Variants in CDH8 observed in about 807,000 individuals in gnomAD.
CDH8 encodes the protein cadherin 8.
Under a neutral mutation model 68.1 loss-of-function variants are expected in CDH8, and 17 were observed. That is an observed-to-expected ratio of 0.25 (90% confidence interval 0.17 to 0.37). CDH8 has a LOEUF of 0.37. Ranked by LOEUF, CDH8 falls within the 10% of genes least tolerant of loss-of-function variation. The pLI, the probability that CDH8 is intolerant of heterozygous loss-of-function variation, is 1.00. For missense variants in CDH8, 763 were observed against 999.3 expected (o/e 0.76, Z 3.19); for synonymous variants, 372 against 365.1 (o/e 1.02, Z -0.21).
chr16:61,883,205 C>A (rs1963610335), intron 3 of CDH8, among the ~76,000 whole-genome samples: 1 of 152,038 alleles, frequency 6.6e-6, no homozygotes, highest in African/African-American at 2.4e-5. Flanking sequence ...TAGCATGTTG[C>A]CCACCAAAAC....
At chr16:61,964,809 A>AC (rs1965219079) in intron 2 of CDH8, among the ~76,000 whole-genome samples, 1 of 151,952 alleles carries the variant, frequency 6.6e-6, no homozygotes, top group South Asian at 2.1e-4. Context: ...ATCCTACCCT[A>AC]CTGCTTTGTA....
chr16:61,668,341 G>T (rs1422760103), intron 10 of CDH8, among the ~76,000 whole-genome samples: 1 of 151,634 alleles, frequency 6.6e-6, no homozygotes, highest in Non-Finnish European at 1.5e-5. Context: ...TTTTTTCTCT[G>T]CTCTTAATTA....
At chr16:61,973,360 C>T (rs186141120) in intron 2 of CDH8, among the ~76,000 whole-genome samples, 5 of 152,294 alleles carry the variant, frequency 3.3e-5, no homozygotes, top group South Asian at 2.1e-4. Context: ...GTATGTAATA[C>T]CTATGACATA....
chr16:61,884,021 G>A (rs183446573), intron 3 of CDH8, among the ~76,000 whole-genome samples: 33 of 152,234 alleles, frequency 2.2e-4, no homozygotes, highest in Admixed American at 1.9e-3. Context: ...AGGAAAGTGT[G>A]ATTAAAATGG....
Position 61,981,681 on chromosome 16 carries a change from T to TGC in CDH8, c.252+39469_252+39470dup, listed in dbSNP as rs1555526842. ...GTGTGTGTGTGTGTGTGTGTGTGTG[T>TGC]GCGCGCGCGCGCGTGCGCTTGGGGC... On this transcript the variant is annotated intron_variant, in intron 2 of 11. Transcript: ENST00000577390. 7.7e-4 allele frequency among the ~76,000 whole-genome samples: 109 copies of TGC among 141,858 alleles called. 1 individual carries two copies. The highest frequency in any genetic ancestry group is 2.0e-3 in the South Asian group (9 of 4,522). The allele number at this position is 141,858 out of a possible 152,430, so 93.1% of individuals were successfully genotyped here. A position where few individuals can be genotyped will look rare whatever the true frequency, so the allele number is the denominator to read the frequency against.
intron 8 of CDH8, among the ~76,000 whole-genome samples, chr16:61,781,029 T>A (rs1014407519): frequency 1.3e-5 from 2 of 152,230 alleles, no homozygotes; most frequent in Non-Finnish European, 2.9e-5. Flanking sequence ...ATGTTTGACA[T>A]GAATTCAGCT....
At chr16:61,698,575 A>G (rs144472221) in intron 10 of CDH8, among the ~76,000 whole-genome samples, 1 of 152,310 alleles carries the variant, frequency 6.6e-6, no homozygotes, top group Non-Finnish European at 1.5e-5. Flanking sequence ...AAACAAATGT[A>G]TTCCATATAT....
chr16:62,029,853 T>G (rs1902282711), intron 1 of CDH8, among the ~76,000 whole-genome samples: 1 of 152,196 alleles, frequency 6.6e-6, no homozygotes, highest in African/African-American at 2.4e-5. Context: ...TGCAACTAAC[T>G]TTTTCTATTT....
chr16:61,768,384 CTCTCTCTCTCCCTT>C lies in CDH8; in HGVS notation c.1414+20948_1414+20961del, dbSNP rs1319167718. On this transcript the variant is annotated intron_variant, in intron 8 of 11. Transcript: ENST00000577390. ...TCTCTCTCTCCCTTTCTCTCTCTCT[CTCTCTCTCTCCCTT>C]TCTCTCTCTCTCTCTCTCTCTCTCT... 2.7e-3 allele frequency among the ~76,000 whole-genome samples: 249 copies of C among 91,356 alleles called. 5 individuals are homozygous for C. Among genetic ancestry groups the C allele is most frequent in the Middle Eastern group, 6.1e-3 (1 of 164 alleles). 59.9% of individuals were successfully genotyped at this position (91,356 alleles called of 152,430 possible). A position where few individuals can be genotyped will look rare whatever the true frequency, so the allele number is the denominator to read the frequency against.
At position 61,826,447 on chromosome 16, in the gene CDH8, T is replaced by C. The variant is rs576379527; in HGVS notation, c.668-1268A>G. Reference sequence around the variant, plus strand: ...CCTTCCCCATATTGCTAAATGTCCATAATAAAACTTATTTTGACTAGTCCA... The same window carrying C: ...CCTTCCCCATATTGCTAAATGTCCACAATAAAACTTATTTTGACTAGTCCA... On this transcript the variant is annotated intron_variant, in intron 4 of 11. Transcript: ENST00000577390. Among the ~76,000 whole-genome samples the C allele has an allele frequency of 3.3e-5, 5 of 151,950 alleles. No individual in the cohort carries two copies. The East Asian group carries it at 9.7e-4, about 30-fold the overall frequency.
Position 62,033,761 on chromosome 16 carries a change from T to C in CDH8, c.-200+2319A>G, listed in dbSNP as rs973627826. On this transcript the variant is annotated intron_variant, in intron 1 of 11. Transcript: ENST00000577390. ...GGGGATCAGAATGAGGAAGGTGAACTGCCACGGAAGGGCTCTGAATGAAGC... is the reference window on the plus strand; with the variant it reads ...GGGGATCAGAATGAGGAAGGTGAACCGCCACGGAAGGGCTCTGAATGAAGC... 5.9e-5 allele frequency among the ~76,000 whole-genome samples: 9 copies of C among 152,076 alleles called. 1 individual carries two copies. The highest frequency in any genetic ancestry group is 4.1e-4 in the South Asian group (2 of 4,822).
At chr16:61,885,342 C>T (rs761554661) in intron 3 of CDH8, among the ~76,000 whole-genome samples, 24 of 152,070 alleles carry the variant, frequency 1.6e-4, no homozygotes, top group Non-Finnish European at 2.4e-4. Flanking sequence ...AACTTGAATG[C>T]AGAATTTAAA....
intron 8 of CDH8, among the ~76,000 whole-genome samples, chr16:61,747,753 A>T (rs934593276): frequency 3.6e-4 from 55 of 151,268 alleles, no homozygotes; most frequent in Non-Finnish European, 4.7e-4. Flanking sequence ...TGGTAAAATT[A>T]AAAAAAAATT....
In CDH8 at chr16:61,656,643, A is replaced by G. The variant is rs1462208203; in HGVS notation, c.1655-922T>C. Among the ~76,000 whole-genome samples, 7 of 152,196 alleles carry G rather than the reference A, an allele frequency of 4.6e-5. No individual in the cohort carries two copies. The East Asian group carries it at 9.6e-4, about 21-fold the overall frequency. On this transcript the variant is annotated intron_variant, in intron 10 of 11. Transcript: ENST00000577390. ...AGAGAAGATCTATAGTGGTTACATA[A>G]TAAGAACAAAATGAGAAGTCATAAA...
chr16:61,949,089 C>T (rs965038193), intron 2 of CDH8, among the ~76,000 whole-genome samples: 1 of 152,110 alleles, frequency 6.6e-6, no homozygotes, highest in South Asian at 2.1e-4. Context: ...ATTTAAATAA[C>T]TCATGAGTCT....
intron 6 of CDH8, among the ~76,000 whole-genome samples, chr16:61,818,249 G>A (rs753515213): frequency 6.6e-6 from 1 of 152,058 alleles, no homozygotes; most frequent in Non-Finnish European, 1.5e-5. Context: ...TCCCCACAAA[G>A]AGTATTTTCT....
chr16:61,799,399 A>C (rs1206468182), intron 7 of CDH8, among the ~76,000 whole-genome samples: 2 of 152,158 alleles, frequency 1.3e-5, no homozygotes, highest in Non-Finnish European at 2.9e-5. Flanking sequence ...CATTTATTGA[A>C]TCTTTCCTAA....
rs1289482140 is a variant in CDH8, at chr16:61,741,533, T to A, written c.1415-14318A>T. On this transcript the variant is annotated intron_variant, in intron 8 of 11. Coordinates refer to ENST00000577390, the MANE Select transcript of CDH8 (RefSeq NM_001796.5). ...TTTACCTTTATATCTTTGACCTATG[T>A]GAACATTATTTATATTGACGGTTGG... Among the ~76,000 whole-genome samples, 4 of 152,168 alleles carry A rather than the reference T, an allele frequency of 2.6e-5. No individual in the cohort carries two copies. The East Asian group carries it at 7.7e-4, about 29-fold the overall frequency.
At chr16:61,692,135 A>G (rs1288959550) in intron 10 of CDH8, 2 of 152,152 alleles carry the variant, frequency 1.3e-5, no homozygotes, top group African/African-American at 4.8e-5. Context: ...ATTTGTGATG[A>G]AAGTTTATCT....
Sources: gnomAD v4.1 joint callset for allele counts (sites outside exome capture counted in the v4.1 genomes callset) on GRCh38, gnomAD v4.1.1 for gene constraint, MANE v1.5 for transcripts, NCBI Gene and HGNC (gene_info 2026-07-23, HGNC 2026-07-21) for gene names.